Variants in SOX5 observed in about 807,000 individuals in gnomAD.
SOX5 encodes the protein SRY-box transcription factor 5.
SOX5 carries 9 observed loss-of-function variants against 92.0 expected under a neutral mutation model. That is an observed-to-expected ratio of 0.10 (90% CI 0.06 to 0.17). The LOEUF (loss-of-function observed/expected upper bound fraction) is 0.17. Among genes scored for constraint, SOX5 ranks in the 10% least tolerant of loss-of-function variants. The pLI is 1.00. For missense variants in SOX5, 642 were observed against 944.5 expected (o/e 0.68, Z 4.20); for synonymous variants, 344 against 336.3 (o/e 1.02, Z -0.25).
intron 8 of SOX5, among the ~76,000 whole-genome samples, chr12:23,607,817 G>A (rs1326212657): frequency 2.0e-5 from 3 of 152,132 alleles, no homozygotes; most frequent in African/African-American, 7.2e-5. Context: ...ATGTCTTAAA[G>A]TGAAAATCTG....
chr12:23,705,530 T>A (rs572970874), intron 6 of SOX5, among the ~76,000 whole-genome samples: 23 of 152,024 alleles, frequency 1.5e-4, no homozygotes, highest in African/African-American at 5.3e-4. Context: ...CTTCTCAACC[T>A]GACTGTAATT....
At chr12:23,938,606 T>A (rs183300515) in intron 1 of SOX5, among the ~76,000 whole-genome samples, 1 of 151,136 alleles carries the variant, frequency 6.6e-6, no homozygotes, top group Non-Finnish European at 1.5e-5. Flanking sequence ...TCTTAAAGCA[T>A]AGGAATATGT....
At chr12:23,852,200 C>T (rs549698337) in intron 2 of SOX5, among the ~76,000 whole-genome samples, 6 of 152,060 alleles carry the variant, frequency 3.9e-5, no homozygotes, top group South Asian at 4.2e-4. Flanking sequence ...CTATGATCTA[C>T]GGAAAGCTCT....
At chr12:23,851,614 T>C (rs1430100129) in intron 2 of SOX5, among the ~76,000 whole-genome samples, 4 of 152,158 alleles carry the variant, frequency 2.6e-5, no homozygotes, top group Non-Finnish European at 5.9e-5. Context: ...TCATCCAATT[T>C]AAAGCCTTTC....
At chr12:23,940,783 CAA>C (rs1491243931) in intron 1 of SOX5, among the ~76,000 whole-genome samples, 1 of 147,530 alleles carries the variant, frequency 6.8e-6, no homozygotes, top group South Asian at 2.2e-4. Context: ...CACACACACA[CAA>C]ACTCATTCAT....
intron 2 of SOX5, among the ~76,000 whole-genome samples, chr12:24,298,516 G>C: frequency 6.6e-6 from 1 of 152,096 alleles, no homozygotes; most frequent in Admixed American, 6.5e-5. Flanking sequence ...AATCAATGGA[G>C]ATGAGTAATA....
intron 1 of SOX5, among the ~76,000 whole-genome samples, chr12:24,410,288 G>A (rs542351917): frequency 7.2e-5 from 11 of 152,158 alleles, no homozygotes; most frequent in Non-Finnish European, 1.6e-4. Context: ...GTGTGCCACA[G>A]TACCTGGCCT....
At chr12:23,826,659 A>G (rs1417349703) in intron 3 of SOX5, among the ~76,000 whole-genome samples, 1 of 151,644 alleles carries the variant, frequency 6.6e-6, no homozygotes, top group African/African-American at 2.4e-5. Context: ...GAAAAATCCT[A>G]AAGTACTGGA....
intron 8 of SOX5, among the ~76,000 whole-genome samples, chr12:23,630,969 A>T (rs1418464402): frequency 6.6e-6 from 1 of 152,036 alleles, no homozygotes; most frequent in African/African-American, 2.4e-5. Context: ...GTGTGTGTGT[A>T]TCTATACATA....
intron 4 of SOX5, among the ~76,000 whole-genome samples, chr12:23,973,285 C>G (rs1423465666): frequency 6.6e-6 from 1 of 151,386 alleles, no homozygotes; most frequent in Non-Finnish European, 1.5e-5. Flanking sequence ...CTCAGCCTCC[C>G]TTGTAACTGG....
At chr12:24,413,081 G>A (rs1413571937) in intron 1 of SOX5, among the ~76,000 whole-genome samples, 1 of 152,134 alleles carries the variant, frequency 6.6e-6, no homozygotes, top group Non-Finnish European at 1.5e-5. Flanking sequence ...GGTTACCAAC[G>A]TTGAGGTTCC....
chr12:24,225,471 T>A (rs1216251942), intron 3 of SOX5, among the ~76,000 whole-genome samples: 1 of 84,232 alleles, frequency 1.2e-5, no homozygotes, highest in African/African-American at 4.5e-5. Context: ...AATTAACAAT[T>A]ATCAGAGGTT....
intron 2 of SOX5, among the ~76,000 whole-genome samples, chr12:24,354,319 G>A (rs1480344063): frequency 6.6e-6 from 1 of 152,262 alleles, no homozygotes; most frequent in Admixed American, 6.5e-5. Flanking sequence ...AAGCTGGGAA[G>A]GGAGTGCACC....
rs572345827 is a variant in SOX5 at position 23,536,222 on chromosome 12, T to C, written c.1988+231A>G. On this transcript the variant is annotated intron_variant, in intron 14 of 14. Coordinates refer to ENST00000451604, the MANE Select transcript of SOX5 (RefSeq NM_006940.6). ...CTTCAAAATCATTTGCTTGTAGATA[T>C]CTTGTTTTTAAACCAGTTGTTAACA... 2.6e-4 allele frequency among the ~76,000 whole-genome samples: 40 copies of C among 152,212 alleles called. No individual in the cohort carries two copies. Among genetic ancestry groups the C allele is most frequent in the Admixed American group, 4.6e-4 (7 of 15,272 alleles).
chr12:23,924,225 G>C (rs917382697), intron 1 of SOX5, among the ~76,000 whole-genome samples: 1 of 152,174 alleles, frequency 6.6e-6, no homozygotes, highest in African/African-American at 2.4e-5. Context: ...TAACATCAGA[G>C]ATTAAGCTGC....
chr12:23,542,950 T>C (rs1474651838), intron 13 of SOX5, among the ~76,000 whole-genome samples: 2 of 152,162 alleles, frequency 1.3e-5, no homozygotes, highest in Non-Finnish European at 2.9e-5. Context: ...GTAAAAATAT[T>C]TCTAGATTTT....
intron 4 of SOX5, among the ~76,000 whole-genome samples, chr12:24,197,449 G>A (rs1333742055): frequency 6.6e-6 from 1 of 152,102 alleles, no homozygotes; most frequent in African/African-American, 2.4e-5. Flanking sequence ...ACTGGAAAAG[G>A]CAGTCATACA....
At chr12:24,401,164 C>A (rs1450799694) in intron 1 of SOX5, among the ~76,000 whole-genome samples, 1 of 151,902 alleles carries the variant, frequency 6.6e-6, no homozygotes, top group Non-Finnish European at 1.5e-5. Flanking sequence ...CCAACCTGGC[C>A]AACAAGGTGA....
chr12:24,528,130 ATT>A (rs1950872447), intron 1 of SOX5, among the ~76,000 whole-genome samples: 1 of 152,236 alleles, frequency 6.6e-6, no homozygotes, highest in South Asian at 2.1e-4. Context: ...CATATGCAGC[ATT>A]TTCATGAGAA....
Sources: gnomAD v4.1 joint callset for allele counts (sites outside exome capture counted in the v4.1 genomes callset) on GRCh38, gnomAD v4.1.1 for gene constraint, MANE v1.5 for transcripts, NCBI Gene and HGNC (gene_info 2026-07-23, HGNC 2026-07-21) for gene names.